Variants in KMO observed in about 807,000 individuals in gnomAD.
KMO encodes kynurenine 3-monooxygenase, also known as kynurenine 3-hydroxylase.
KMO carries 24 observed loss-of-function variants against 57.8 expected under a neutral mutation model. That is an observed-to-expected ratio of 0.42 (90% CI 0.30 to 0.58). KMO has a LOEUF of 0.58. KMO is among the 20% of genes least tolerant of loss of function. KMO has a pLI of 0.22. For synonymous variants in KMO, 210 were observed against 193.6 expected, an observed-to-expected ratio of 1.08 and a Z score of -0.70; for missense variants, 483 against 588.2, an observed-to-expected ratio of 0.82 and a Z score of 1.85.
intron 10 of KMO, among the ~76,000 whole-genome samples, chr1:241,577,881 G>A (rs1373398274): frequency 2.0e-5 from 3 of 152,140 alleles, no homozygotes; most frequent in East Asian, 1.9e-4. Flanking sequence ...CAGGGGAAAC[G>A]GTGGGAGCCA....
intron 10 of KMO, among the ~76,000 whole-genome samples, chr1:241,576,302 GTTAA>G (rs1390632564): frequency 2.0e-5 from 3 of 152,032 alleles, no homozygotes; most frequent in Non-Finnish European, 4.4e-5. Context: ...CAGTCATCAT[GTTAA>G]TTGTTACCTA....
At chr1:241,552,502 G>T (rs988643706) in intron 4 of KMO, among the ~76,000 whole-genome samples, 1 of 152,054 alleles carries the variant, frequency 6.6e-6, no homozygotes, top group African/African-American at 2.4e-5. Context: ...ATGACTCCGG[G>T]ATTTCTTCAC....
chr1:241,540,975 CA>C (rs769582496), intron 1 of KMO, among the ~76,000 whole-genome samples: 5 of 152,142 alleles, frequency 3.3e-5, no homozygotes, highest in Non-Finnish European at 7.4e-5. Context: ...GGCAGGAGAT[CA>C]CTTGAACCCA....
chr1:241,579,751 C>T (rs958715299), intron 10 of KMO, among the ~76,000 whole-genome samples: 2 of 152,122 alleles, frequency 1.3e-5, no homozygotes, highest in African/African-American at 4.8e-5. Context: ...GCACTCGTGG[C>T]TGTAGCACAC....
At chr1:241,549,223 A>AAGAC (rs1186003553) in intron 2 of KMO, among the ~76,000 whole-genome samples, 1 of 9,318 alleles carries the variant, frequency 1.1e-4, no homozygotes, top group Non-Finnish European at 5.7e-4. Flanking sequence ...GAAAGAAAGA[A>AAGAC]AGAAAGAAAG....
chr1:241,566,514 G>A lies in KMO; in HGVS notation c.711G>A (p.Leu237=). ...PNMNKSFTCT[L]FMPFEEFEKL... ...AGAACAAATCATTCACATGTACTTTGTTCATGCCCTTTGAAGAGTTTGAAA... is the reference window on the plus strand; with the variant it reads ...AGAACAAATCATTCACATGTACTTTATTCATGCCCTTTGAAGAGTTTGAAA... Residue 237 remains leucine (L), a synonymous_variant, in exon 9 of 15, where the codon TTG becomes TTA. Coordinates refer to ENST00000366559, the MANE Select transcript of KMO (RefSeq NM_003679.5). 6.2e-7 allele frequency: 1 copy of A among 1,613,578 alleles called. No individual in the cohort carries two copies. Among genetic ancestry groups the A allele is most frequent in the Admixed American group, 1.7e-5 (1 of 59,976 alleles).
chr1:241,574,937 A>C (rs947658141), intron 10 of KMO, among the ~76,000 whole-genome samples: 1 of 151,894 alleles, frequency 6.6e-6, no homozygotes, highest in African/African-American at 2.4e-5. Context: ...TACTGATTTA[A>C]TCTCACTGCT....
intron 10 of KMO, among the ~76,000 whole-genome samples, chr1:241,579,874 C>T (rs558704374): frequency 5.9e-5 from 9 of 152,282 alleles, no homozygotes; most frequent in South Asian, 2.1e-4. Flanking sequence ...AGTTAGCTTG[C>T]AGACTTCCAT....
intron 9 of KMO, 130 bp downstream of exon 9, chr1:241,566,742 T>TA: frequency 1.0e-6 from 1 of 960,450 alleles, no homozygotes; most frequent in African/African-American, 1.7e-5. Flanking sequence ...AAACCTACAT[T>TA]AGAGCAAAAG....
intron 1 of KMO, among the ~76,000 whole-genome samples, chr1:241,539,659 G>A (rs3007744): frequency 0.047 from 7,220 of 152,146 alleles, 202 homozygotes; most frequent in Middle Eastern, 0.088. Flanking sequence ...CTCCTCTTAC[G>A]CTCTAGACCA....
intron 6 of KMO, among the ~76,000 whole-genome samples, chr1:241,561,576 C>T (rs545549471): frequency 6.6e-6 from 1 of 152,312 alleles, no homozygotes; most frequent in South Asian, 2.1e-4. Flanking sequence ...TCCCTGTTTT[C>T]TGCTCCCTTT....
intron 14 of KMO, among the ~76,000 whole-genome samples, chr1:241,590,748 G>T (rs1663229943): frequency 7.2e-6 from 1 of 138,886 alleles, no homozygotes; most frequent in East Asian, 2.3e-4. Flanking sequence ...TCAACAGACA[G>T]TTTTATTTGG....
intron 1 of KMO, among the ~76,000 whole-genome samples, chr1:241,536,728 C>A (rs2147937534): frequency 6.6e-6 from 1 of 152,310 alleles, no homozygotes; most frequent in Admixed American, 6.5e-5. Flanking sequence ...GCTTTGTGAT[C>A]TACTCTCCCT....
intron 1 of KMO, among the ~76,000 whole-genome samples, chr1:241,539,655 T>C (rs1170864108): frequency 6.6e-6 from 1 of 152,190 alleles, no homozygotes; most frequent in African/African-American, 2.4e-5. Context: ...CAGGCTCCTC[T>C]TACGCTCTAG....
At chr1:241,574,946 C>T (rs1205237895) in intron 10 of KMO, among the ~76,000 whole-genome samples, 1 of 151,950 alleles carries the variant, frequency 6.6e-6, no homozygotes, top group Non-Finnish European at 1.5e-5. Flanking sequence ...AATCTCACTG[C>T]TTGTTATTGG....
Position 241,532,608 on chromosome 1 carries a change from C to T in KMO, c.54+110C>T, listed in dbSNP as rs576055045. On this transcript the variant is annotated intron_variant, in intron 1 of 14. Coordinates refer to ENST00000366559, the MANE Select transcript of KMO (RefSeq NM_003679.5). ...CAAATTGTTAATTTTCTTGTGAAAA[C>T]TCTGATATTTAAATACAGCTATTTT... The T allele has an allele frequency of 4.7e-5, 37 of 788,596 alleles. 1 individual carries two copies. In the South Asian group the frequency reaches 6.0e-4, roughly 13 times the overall value. The allele number at this position is 788,596 out of a possible 1,614,324, so 48.8% of individuals were successfully genotyped here.
chr1:241,560,928 A>G (rs1027590974), intron 6 of KMO, among the ~76,000 whole-genome samples, 176 bp downstream of exon 6: 2 of 152,310 alleles, frequency 1.3e-5, no homozygotes, highest in Middle Eastern at 3.4e-3. Flanking sequence ...TGGCCATCTG[A>G]ACACCAATGC....
intron 10 of KMO, among the ~76,000 whole-genome samples, chr1:241,577,991 G>A (rs1043060740): frequency 1.1e-4 from 17 of 152,278 alleles, no homozygotes; most frequent in African/African-American, 4.1e-4. Context: ...ATTCAGATCA[G>A]ACAGGCACCT....
chr1:241,574,961 T>C (rs1343612712), intron 10 of KMO, among the ~76,000 whole-genome samples: 1 of 152,114 alleles, frequency 6.6e-6, no homozygotes, highest in Non-Finnish European at 1.5e-5. Flanking sequence ...TATTGGTCCA[T>C]TCAAGGTTTC....
Sources: gnomAD v4.1 joint callset for allele counts (sites outside exome capture counted in the v4.1 genomes callset) on GRCh38, gnomAD v4.1.1 for gene constraint, MANE v1.5 for transcripts, NCBI Gene and HGNC (gene_info 2026-07-23, HGNC 2026-07-21) for gene names.